The following ARFGAP1 variants were observed in gnomAD, a reference collection of about 807,000 sequenced individuals.
ARFGAP1 encodes the protein ARF GTPase activating protein 1.
ARFGAP1 carries 26 observed loss-of-function variants against 54.0 expected under a neutral mutation model. That is an observed-to-expected ratio of 0.48 (90% CI 0.35 to 0.67). The LOEUF (loss-of-function observed/expected upper bound fraction) is 0.67. ARFGAP1 is among the 30% of genes least tolerant of loss of function. The pLI, the probability that ARFGAP1 is intolerant of heterozygous loss-of-function variation, is 0.00. For missense variants in ARFGAP1, 525 were observed against 535.8 expected, an observed-to-expected ratio of 0.98 and a Z score of 0.20; for synonymous variants, 248 against 211.9, an observed-to-expected ratio of 1.17 and a Z score of -1.48.
chr20:63,288,828 CT>C lies in ARFGAP1; in HGVS notation c.*957del, dbSNP rs1386709286. ...GTGCTGCCACGTGTGACTCGTCTCC[CT>C]TGTCTGCCCTGTGTGACCCTCAGTC... On this transcript the variant is annotated 3_prime_UTR_variant, in exon 13 of 13. Transcript: ENST00000370283. The C allele has an allele frequency of 3.1e-6, 1 of 321,344 alleles. No homozygotes were observed. Among genetic ancestry groups the C allele is most frequent in the Non-Finnish European group, 6.2e-6 (1 of 161,294 alleles). The allele number at this position is 321,344 out of a possible 1,614,324, so 19.9% of individuals were successfully genotyped here.
At chr20:63,286,532 T>TGCTGGGGAGGGAAGGGGC (rs2067556777) in intron 12 of ARFGAP1, 90 bp downstream of exon 12, 18 of 1,331,404 alleles carry the variant, frequency 1.4e-5, no homozygotes, top group Non-Finnish European at 1.9e-5. Context: ...CTGGCATCCT[T>TGCTGGGGAGGGAAGGGGC]GCTGGGGAGG....
At position 63,289,717 on chromosome 20, in the gene ARFGAP1, C is replaced by T. The variant is rs900830088; in HGVS notation, c.*1844C>T. On this transcript the variant is annotated 3_prime_UTR_variant, in exon 13 of 13. Coordinates refer to ENST00000370283, the MANE Select transcript of ARFGAP1 (RefSeq NM_018209.4). The stretch of plus-strand genomic sequence containing the variant: ...GCCTGGGACCGGTGCTGGGGCCTCT[C>T]CTTGCTGTGTGTGAGGGCCCAGGTG... 1 of 152,270 alleles carries T rather than the reference C, an allele frequency of 6.6e-6. No homozygotes were observed. The highest frequency in any genetic ancestry group is 2.1e-4 in the South Asian group (1 of 4,826). 9.4% of individuals were successfully genotyped at this position (152,270 alleles called of 1,614,324 possible).
At chr20:63,287,069 A>G (rs77114045) in intron 12 of ARFGAP1, among the ~76,000 whole-genome samples, 10,330 of 152,354 alleles carry the variant, frequency 0.068, 392 homozygotes, top group Middle Eastern at 0.11. Flanking sequence ...GCACAGATGC[A>G]CTGCCCACTA....
In ARFGAP1 at chr20:63,282,968, A is replaced by G. The variant is rs2067425880; in HGVS notation, c.717+117A>G. 3.5e-6 allele frequency: 4 copies of G among 1,154,704 alleles called. No homozygotes were observed. In the Admixed American group the frequency reaches 7.0e-5, roughly 20 times the overall value. The allele number at this position is 1,154,704 out of a possible 1,614,324, so 71.5% of individuals were successfully genotyped here. A position where few individuals can be genotyped will look rare whatever the true frequency, so the allele number is the denominator to read the frequency against. On this transcript the variant is annotated intron_variant, in intron 9 of 12. Transcript: ENST00000370283. The stretch of plus-strand genomic sequence containing the variant: ...TTCTCAGGCCACATGCTCAGAGCTG[A>G]GGGGTCCCAGCGTAGAAGGGGGTGT...
chr20:63,283,699 G>A, intron 9 of ARFGAP1: 2 of 762,410 alleles, frequency 2.6e-6, no homozygotes, highest in Non-Finnish European at 4.3e-6. Flanking sequence ...TCCAGGGCAG[G>A]GAGCGGCTGC....
At chr20:63,284,173 AGG>A in intron 9 of ARFGAP1, 1 of 1,305,976 alleles carries the variant, frequency 7.7e-7, no homozygotes, top group Non-Finnish European at 9.7e-7. Flanking sequence ...GCTGCCGGGG[AGG>A]TGCTGGAGGG....
Position 63,277,291 on chromosome 20 carries a change from G to A in ARFGAP1, c.429G>A (p.Pro143=), listed in dbSNP as rs1317936808. Residue 143 remains proline (P), a synonymous_variant, in exon 5 of 13, where the codon CCG becomes CCA. Transcript: ENST00000370283. Reference sequence around the variant, plus strand: ...CCCCACCTCAGCCCAGGACGCTGCCGTCCATGGTGCACCGGTAGCTGCTCC... The same window carrying A: ...CCCCACCTCAGCCCAGGACGCTGCCATCCATGGTGCACCGGTAGCTGCTCC... ...NWTPPQPRTL[P]SMVHRVSGQP... is the part of the protein sequence containing the mutation. 21 of 1,612,506 alleles carry A rather than the reference G, an allele frequency of 1.3e-5. No individual in the cohort carries two copies. The highest frequency in any genetic ancestry group is 8.9e-5 in the East Asian group (4 of 44,882).
At chr20:63,281,737 T>C (rs568901001) in intron 8 of ARFGAP1, among the ~76,000 whole-genome samples, 2 of 152,324 alleles carry the variant, frequency 1.3e-5, no homozygotes, top group East Asian at 1.9e-4. Flanking sequence ...ATTTCTCTCT[T>C]TCGCCTGCTC....
chr20:63,283,977 C>T, intron 9 of ARFGAP1: 1 of 1,571,198 alleles, frequency 6.4e-7, no homozygotes, highest in Non-Finnish European at 8.7e-7. Context: ...TGTCTTGTGT[C>T]ACCTCACATG....
chr20:63,285,562 G>A (rs938709957), intron 10 of ARFGAP1, 92 bp from the exon 11 acceptor site: 9 of 1,356,714 alleles, frequency 6.6e-6, no homozygotes, highest in Admixed American at 1.7e-5. Flanking sequence ...CTGATATTTC[G>A]GATGCCCTCA....
At position 63,285,679 on chromosome 20, in the gene ARFGAP1, A is replaced by G. The variant is rs778336088; in HGVS notation, c.800A>G (p.Asp267Gly). The G allele has an allele frequency of 1.2e-6, 2 of 1,613,642 alleles. No homozygotes were observed. Among genetic ancestry groups the G allele is most frequent in the Admixed American group, 1.7e-5 (1 of 60,022 alleles). Residue 267 changes from aspartate to glycine, a missense_variant, in exon 11 of 13, where the codon GAT (aspartate) becomes GGT (glycine). This residue lies in a region of ARFGAP1 where 466 missense variants were observed against 453.6 expected (regional missense o/e 1.03). Transcript: ENST00000370283. ...GTGAAGGAGGGAAAGATTTTTGATG[A>G]TGTCTCCAGTGGGGTCTCTCAGTTG... Reference protein sequence around the residue: ...EKVKEGKIFDDVSSGVSQLAS... With the variant: ...EKVKEGKIFDGVSSGVSQLAS...
chr20:63,284,609 C>T lies in ARFGAP1; in HGVS notation c.718-257C>T, dbSNP rs76115026. Reference sequence around the variant, plus strand: ...GGCCCGGCAGGGCCGCATGGTGGCGCGTGAGGGAGGACCCTGGAGGGGGAC... The same window carrying T: ...GGCCCGGCAGGGCCGCATGGTGGCGTGTGAGGGAGGACCCTGGAGGGGGAC... On this transcript the variant is annotated intron_variant, in intron 9 of 12. Transcript: ENST00000370283. 3.4e-3 allele frequency: 4,603 copies of T among 1,342,732 alleles called. 102 individuals carry two copies. The African/African-American group carries it at 0.055, about 16-fold the overall frequency. 83.2% of individuals were successfully genotyped at this position (1,342,732 alleles called of 1,614,324 possible). A position where few individuals can be genotyped will look rare whatever the true frequency, so the allele number is the denominator to read the frequency against.
intron 9 of ARFGAP1, chr20:63,283,143 C>T (rs750124835): frequency 1.9e-4 from 95 of 491,880 alleles, no homozygotes; most frequent in Admixed American, 6.6e-4. Flanking sequence ...GCAGGACTGC[C>T]CGGCTTGGCA....
At position 63,288,997 on chromosome 20, in the gene ARFGAP1, C is replaced by G. The variant is rs1464053026; in HGVS notation, c.*1124C>G. On this transcript the variant is annotated 3_prime_UTR_variant, in exon 13 of 13. Coordinates refer to ENST00000370283, the MANE Select transcript of ARFGAP1 (RefSeq NM_018209.4). ...GTCGCCGTCTGCAGCACTCCTGGAG[C>G]AGCCTGGGCCCTTCAGCCCCTGTGC... 1 of 191,246 alleles carries G rather than the reference C, an allele frequency of 5.2e-6. No homozygotes were observed. Among genetic ancestry groups the G allele is most frequent in the Non-Finnish European group, 1.1e-5 (1 of 90,330 alleles). The allele number at this position is 191,246 out of a possible 1,614,324, so 11.8% of individuals were successfully genotyped here.
chr20:63,286,269 C>A, intron 11 of ARFGAP1, 97 bp from the exon 12 acceptor site: 1 of 1,579,388 alleles, frequency 6.3e-7, no homozygotes, highest in Admixed American at 1.8e-5. Context: ...TGGGTCTTCT[C>A]AGCGGGACGG....
chr20:63,283,280 C>T, intron 9 of ARFGAP1: 1 of 228,638 alleles, frequency 4.4e-6, no homozygotes, highest in Non-Finnish European at 8.6e-6. Context: ...CCAGGGCTTC[C>T]CCCAGTCGGG....
intron 8 of ARFGAP1, among the ~76,000 whole-genome samples, 166 bp from the exon 9 acceptor site, chr20:63,282,653 G>T (rs1332764753): frequency 6.6e-6 from 1 of 152,192 alleles, no homozygotes; most frequent in Non-Finnish European, 1.5e-5. Flanking sequence ...TCCAGTCTCT[G>T]CTGCAGCTCT....
chr20:63,283,802 G>C, intron 9 of ARFGAP1: 1 of 1,608,838 alleles, frequency 6.2e-7, no homozygotes, highest in Non-Finnish European at 8.5e-7. Context: ...TACTAATGCC[G>C]CCCCTCACCT....
intron 7 of ARFGAP1, chr20:63,279,304 C>T (rs1357272423): frequency 2.1e-6 from 1 of 472,160 alleles, no homozygotes; most frequent in Non-Finnish European, 4.0e-6. Context: ...CTCCCAGGTT[C>T]AGGTGATTCT....
Sources: allele counts gnomAD v4.1 joint callset (sites outside exome capture counted in the v4.1 genomes callset), GRCh38; gene constraint gnomAD v4.1.1; regional missense constraint gnomAD v4.1.1; transcripts MANE v1.5; gene names NCBI Gene and HGNC (gene_info 2026-07-23, HGNC 2026-07-21).